Variants in ELAC2 observed in about 807,000 individuals in gnomAD.
ELAC2 encodes zinc phosphodiesterase ELAC protein 2.
ELAC2 carries 92 observed loss-of-function variants against 105.2 expected under a neutral mutation model. The observed-to-expected ratio is 0.87, with a 90% CI of 0.74 to 1.04. The LOEUF is 1.04. Ranked by LOEUF, ELAC2 falls within the 50% of genes least tolerant of loss-of-function variation. The pLI, the probability that ELAC2 is intolerant of heterozygous loss-of-function variation, is 0.00. For missense variants in ELAC2, 1,099 were observed against 1,071.7 expected (o/e 1.03, Z -0.36); for synonymous variants, 468 against 409.1 (o/e 1.14, Z -1.74).
intron 8 of ELAC2, among the ~76,000 whole-genome samples, chr17:13,008,016 C>A (rs1387063396): frequency 2.6e-5 from 4 of 152,132 alleles, no homozygotes; most frequent in Non-Finnish European, 4.4e-5. Context: ...GCCTGGCCAA[C>A]ATGGCGAAAC....
At chr17:13,008,442 G>A (rs1439690659) in intron 8 of ELAC2, among the ~76,000 whole-genome samples, 1 of 151,984 alleles carries the variant, frequency 6.6e-6, no homozygotes, top group East Asian at 1.9e-4. Context: ...ACCCTGGGAG[G>A]CAGAGGTTGC....
intron 19 of ELAC2, among the ~76,000 whole-genome samples, 171 bp downstream of exon 19, chr17:12,995,532 T>C (rs1322996968): frequency 6.6e-6 from 1 of 152,252 alleles, no homozygotes; most frequent in Non-Finnish European, 1.5e-5. Flanking sequence ...AACTATCTAA[T>C]GGTTTCTGTC....
intron 17 of ELAC2, chr17:12,996,198 G>A (rs564019519): frequency 1.7e-5 from 11 of 654,612 alleles, no homozygotes; most frequent in East Asian, 5.5e-5. Flanking sequence ...AGAGGGCAAC[G>A]GCCCAGGGCC....
intron 21 of ELAC2, 127 bp from the exon 22 acceptor site, chr17:12,994,630 A>G: frequency 6.3e-7 from 1 of 1,599,714 alleles, no homozygotes; most frequent in South Asian, 1.1e-5. Flanking sequence ...CTAGGATGAC[A>G]ACCAGAGACT....
chr17:12,997,967 T>C lies in ELAC2; in HGVS notation c.1520+445A>G, dbSNP rs8069016. On this transcript the variant is annotated intron_variant, in intron 16 of 23. Coordinates refer to ENST00000338034, the MANE Select transcript of ELAC2 (RefSeq NM_018127.7). ...TTTTAACATACTACCAACAAATGGCTGGGGGACAATACCATGTAGCAATCA... is the reference window on the plus strand; with the variant it reads ...TTTTAACATACTACCAACAAATGGCCGGGGGACAATACCATGTAGCAATCA... Among the ~76,000 whole-genome samples, 819 of 152,228 alleles carry C rather than the reference T, an allele frequency of 5.4e-3. 7 individuals carry two copies. The highest frequency in any genetic ancestry group is 0.018 in the African/African-American group (764 of 41,536).
intron 5 of ELAC2, 51 bp downstream of exon 5, chr17:13,014,388 G>T: frequency 1.5e-6 from 2 of 1,372,334 alleles, no homozygotes; most frequent in South Asian, 1.2e-5. Context: ...GAGAGGTCAG[G>T]GCATATATAA....
Position 13,015,799 on chromosome 17 carries a change from G to A in ELAC2, c.401C>T (p.Pro134Leu). Residue 134 changes from proline to leucine, a missense_variant, in exon 4 of 24, where the codon CCA becomes CTA. Transcript: ENST00000338034. Reference sequence around the variant, plus strand: ...TGGAGGTCCAGAAAGTACACACTTTGGAAGCCCGGTTTCCTTTAAAGTAAG... The same window carrying A: ...TGGAGGTCCAGAAAGTACACACTTTAGAAGCCCGGTTTCCTTTAAAGTAAG... ...MILTLKETGLPKCVLSGPPQL... is the reference protein window; with the variant it reads ...MILTLKETGLLKCVLSGPPQL... 6.2e-7 allele frequency: 1 copy of A among 1,614,100 alleles called. No individual in the cohort carries two copies.
At chr17:12,994,598 C>A in intron 21 of ELAC2, 95 bp from the exon 22 acceptor site, 5 of 1,594,382 alleles carry the variant, frequency 3.1e-6, no homozygotes, top group East Asian at 2.2e-5. Flanking sequence ...ACACTCAGCT[C>A]CCCTGGCCCT....
intron 5 of ELAC2, 152 bp downstream of exon 5, chr17:13,014,287 A>AT (rs2041598725): frequency 1.6e-6 from 1 of 625,070 alleles, no homozygotes; most frequent in African/African-American, 2.2e-5. Context: ...GCAAGACTCT[A>AT]TCCAAAAAAA....
chr17:12,997,115 G>A (rs540508869), intron 16 of ELAC2, among the ~76,000 whole-genome samples: 1 of 152,164 alleles, frequency 6.6e-6, no homozygotes, highest in Non-Finnish European at 1.5e-5. Context: ...CCCTTTGCAA[G>A]TGGTCGGGGT....
intron 8 of ELAC2, among the ~76,000 whole-genome samples, chr17:13,008,187 G>A (rs1242160900): frequency 6.6e-6 from 1 of 151,202 alleles, no homozygotes; most frequent in Non-Finnish European, 1.5e-5. Flanking sequence ...GCAACAGAGC[G>A]AGACTCCATC....
rs778221408 is a variant in ELAC2 at position 12,992,949 on chromosome 17, T to C, written c.2350A>G (p.Lys784Glu). ...DIEEMEERRE[K>E]RELRQVRAAL... is the part of the protein sequence containing the mutation. ...GCCCGCACCTGCCGCAGCTCCCGCTTCTCCCTGCGCTCCTCCATCTCCTCG... is the reference window on the plus strand; with the variant it reads ...GCCCGCACCTGCCGCAGCTCCCGCTCCTCCCTGCGCTCCTCCATCTCCTCG... Residue 784 changes from lysine (K) to glutamate (E), a missense_variant, in exon 24 of 24, where the codon AAG (lysine) becomes GAG (glutamate). Physicochemically the swap from Lys to Glu is moderately conservative, Grantham distance 56. Transcript: ENST00000338034. The C allele has an allele frequency of 2.9e-5, 46 of 1,602,438 alleles. No individual in the cohort carries two copies. The highest frequency in any genetic ancestry group is 3.8e-5 in the Non-Finnish European group (44 of 1,172,110).
chr17:13,005,137 C>T (rs2041033869), intron 10 of ELAC2, 36 bp from the exon 11 acceptor site: 2 of 1,457,974 alleles, frequency 1.4e-6, no homozygotes, highest in East Asian at 2.3e-5. Context: ...CTGGGGGTCA[C>T]AGCTCAGCCA....
rs1161237566 is a variant in ELAC2, at chr17:13,015,690, T to C, written c.432+78A>G. On this transcript the variant is annotated intron_variant, in intron 4 of 23. Transcript: ENST00000338034. ...TATCTCTGGAGGGCAGAAGACTGAT[T>C]TGCAAAAAGGAAAATTCTTGTTACT... The C allele has an allele frequency of 5.4e-6, 7 of 1,305,722 alleles. No individual in the cohort carries two copies. In the Admixed American group the frequency reaches 1.0e-4, roughly 19 times the overall value. The allele number at this position is 1,305,722 out of a possible 1,614,324, so 80.9% of individuals were successfully genotyped here.
chr17:12,993,158 G>C (rs913810768), intron 23 of ELAC2, 113 bp from the exon 24 acceptor site: 3 of 1,136,066 alleles, frequency 2.6e-6, no homozygotes, highest in Admixed American at 1.8e-5. Context: ...CCCCTTCCTT[G>C]GCACAAGCCA....
In ELAC2 at chr17:12,991,857, TTACTTACTTACTTTAC is replaced by T. The variant is rs2040177027; in HGVS notation, c.*945_*960del. On this transcript the variant is annotated 3_prime_UTR_variant, in exon 24 of 24. Transcript: ENST00000338034. ...TAAATACTAGATTCAACTTACTTAC[TTACTTACTTACTTTAC>T]TTACTTACTTCCTTGGAAAATGCTC... is the stretch of plus-strand genomic sequence containing the variant. Among the ~76,000 whole-genome samples the T allele has an allele frequency of 6.7e-6, 1 of 149,126 alleles. No individual in the cohort carries two copies. The highest frequency in any genetic ancestry group is 1.5e-5 in the Non-Finnish European group (1 of 66,742).
chr17:13,002,817 AAAG>A (rs892069179), intron 12 of ELAC2: 8 of 607,748 alleles, frequency 1.3e-5, no homozygotes, highest in Admixed American at 5.3e-5. Context: ...AAAACAAGAA[AAAG>A]AAGATGTCCA....
At chr17:13,010,118 T>C (rs1203874658) in intron 8 of ELAC2, among the ~76,000 whole-genome samples, 3 of 152,162 alleles carry the variant, frequency 2.0e-5, no homozygotes, top group Non-Finnish European at 4.4e-5. Context: ...TGATGACAAT[T>C]ATGAAAGGTC....
intron 11 of ELAC2, 113 bp from the exon 12 acceptor site, chr17:13,003,687 T>C (rs1020366484): frequency 1.1e-6 from 1 of 919,176 alleles, no homozygotes; most frequent in Non-Finnish European, 1.7e-6. Context: ...TGCAGTGAGC[T>C]GACAGCCTCC....
Sources: gnomAD v4.1 joint callset for allele counts (sites outside exome capture counted in the v4.1 genomes callset) on GRCh38, gnomAD v4.1.1 for gene constraint, MANE v1.5 for transcripts, NCBI Gene and HGNC (gene_info 2026-07-23, HGNC 2026-07-21) for gene names.